The following PTP4A2 variants were observed in gnomAD, a reference collection of about 807,000 sequenced individuals.
PTP4A2 encodes the protein protein tyrosine phosphatase 4A2.
In PTP4A2, 2 loss-of-function variants were observed where a neutral mutation model predicts 22.9. That is an observed-to-expected ratio of 0.09 (90% confidence interval 0.04 to 0.27). PTP4A2 has a LOEUF of 0.27. Ranked by LOEUF, PTP4A2 falls within the 10% of genes least tolerant of loss-of-function variation. The pLI, the probability that PTP4A2 is intolerant of heterozygous loss-of-function variation, is 1.00. For missense variants in PTP4A2, 103 were observed against 205.1 expected, an observed-to-expected ratio of 0.50 and a Z score of 3.04; for synonymous variants, 68 against 69.1, an observed-to-expected ratio of 0.98 and a Z score of 0.08.
chr1:31,909,049 T>C lies in PTP4A2; in HGVS notation c.396-89A>G, dbSNP rs907119359. 6.4e-6 allele frequency: 6 copies of C among 930,994 alleles called. No homozygotes were observed. The Admixed American group carries it at 8.0e-5, about 12-fold the overall frequency. 57.7% of individuals were successfully genotyped at this position (930,994 alleles called of 1,614,324 possible). ...CATTATTTACATCCTAAAGCCTTTC[T>C]AATTCCACACAGCTGAAAACCAGCA... On this transcript the variant is annotated intron_variant, in intron 5 of 5. Coordinates refer to ENST00000647444, the MANE Select transcript of PTP4A2 (RefSeq NM_080391.4).
At chr1:31,930,263 C>T (rs1368550917) in intron 1 of PTP4A2, among the ~76,000 whole-genome samples, 6 of 151,618 alleles carry the variant, frequency 4.0e-5, no homozygotes, top group Non-Finnish European at 7.4e-5. Flanking sequence ...GCGTGAACCC[C>T]GGGGGGGCGG....
rs1461078605 is a variant in PTP4A2, at chr1:31,906,736, GCACACACACACACACACATACACACACA to G, written c.*2088_*2115del. The G allele has an allele frequency of 6.1e-5, 8 of 131,570 alleles. No individual in the cohort carries two copies. The highest frequency in any genetic ancestry group is 1.1e-4 in the Non-Finnish European group (7 of 63,494). The allele number at this position is 131,570 out of a possible 1,614,324, so 8.2% of individuals were successfully genotyped here. ...ACTGATACTGATGGACACTGCGCGT[GCACACACACACACACACATACACACACA>G]CACACACACACACACACACACACCC... On this transcript the variant is annotated 3_prime_UTR_variant, in exon 6 of 6. Transcript: ENST00000647444.
chr1:31,908,809 C>G lies in PTP4A2; in HGVS notation c.*43G>C, dbSNP rs1651375487. 1 of 1,425,650 alleles carries G rather than the reference C, an allele frequency of 7.0e-7. No homozygotes were observed. Among genetic ancestry groups the G allele is most frequent in the Non-Finnish European group, 9.9e-7 (1 of 1,013,724 alleles). 88.3% of individuals were successfully genotyped at this position (1,425,650 alleles called of 1,614,324 possible). ...CACATTTCCAGGTACCAAGAGTTCC[C>G]TCTAAATGGCACAATCAAGTCAGCC... On this transcript the variant is annotated 3_prime_UTR_variant, in exon 6 of 6. Coordinates refer to ENST00000647444, the MANE Select transcript of PTP4A2 (RefSeq NM_080391.4).
chr1:31,913,074 T>C (rs1651627614), intron 3 of PTP4A2: 2 of 430,472 alleles, frequency 4.6e-6, no homozygotes, highest in African/African-American at 4.1e-5. Flanking sequence ...ATAAGTAGTG[T>C]CTATTTTTAA....
At chr1:31,929,272 T>C (rs1652619189) in intron 1 of PTP4A2, among the ~76,000 whole-genome samples, 1 of 152,238 alleles carries the variant, frequency 6.6e-6, no homozygotes, top group African/African-American at 2.4e-5. Context: ...GCCGACTTTC[T>C]CTTTAAAAAG....
intron 1 of PTP4A2, among the ~76,000 whole-genome samples, chr1:31,925,927 C>CG (rs1652432056): frequency 6.6e-6 from 1 of 151,614 alleles, no homozygotes; most frequent in South Asian, 2.1e-4. Flanking sequence ...GAGTGGATCA[C>CG]GAAGTCAGGA....
At chr1:31,934,236 C>A (rs1249046557) in intron 1 of PTP4A2, among the ~76,000 whole-genome samples, 1 of 151,962 alleles carries the variant, frequency 6.6e-6, no homozygotes, top group Non-Finnish European at 1.5e-5. Context: ...CCAGCCTGGG[C>A]AACAAGGGCA....
chr1:31,935,158 A>G (rs1652880282), intron 1 of PTP4A2, among the ~76,000 whole-genome samples: 1 of 152,220 alleles, frequency 6.6e-6, no homozygotes, highest in African/African-American at 2.4e-5. Flanking sequence ...CTTGGCCCCA[A>G]TAAATATACT....
chr1:31,936,757 C>G (rs573240027), intron 1 of PTP4A2, among the ~76,000 whole-genome samples: 1 of 152,270 alleles, frequency 6.6e-6, no homozygotes, highest in East Asian at 1.9e-4. Context: ...TTCTGAAGCC[C>G]TGATAATGTG....
intron 1 of PTP4A2, among the ~76,000 whole-genome samples, chr1:31,929,778 A>AT: frequency 6.6e-6 from 1 of 152,346 alleles, no homozygotes; most frequent in Admixed American, 6.5e-5. Flanking sequence ...TTAATAAATA[A>AT]TTTAAGATTC....
rs867583543 is a variant in PTP4A2 at position 31,908,142 on chromosome 1, A to T, written c.*710T>A. 0.094 allele frequency: 53 copies of T among 566 alleles called. 2 individuals are homozygous for T. The highest frequency in any genetic ancestry group is 0.22 in the African/African-American group (53 of 246). The allele number at this position is 566 out of a possible 1,614,324, so 0.0% of individuals were successfully genotyped here. The stretch of plus-strand genomic sequence containing the variant: ...TATATATATATATATATATTATATT[A>T]TATATATATATATATATATATATAT... On this transcript the variant is annotated 3_prime_UTR_variant, in exon 6 of 6. Transcript: ENST00000647444.
chr1:31,930,724 T>C (rs1435089386), intron 1 of PTP4A2, among the ~76,000 whole-genome samples: 1 of 152,192 alleles, frequency 6.6e-6, no homozygotes, highest in Non-Finnish European at 1.5e-5. Flanking sequence ...AGAATCCAAA[T>C]CATTCTATTT....
chr1:31,917,582 T>A (rs1651912595), intron 2 of PTP4A2, among the ~76,000 whole-genome samples: 1 of 152,158 alleles, frequency 6.6e-6, no homozygotes, highest in South Asian at 2.1e-4. Context: ...TTCCCATCTA[T>A]AAAATGAAAA....
At chr1:31,922,586 GTTTCTTTCTTTC>G (rs200368265) in intron 1 of PTP4A2, among the ~76,000 whole-genome samples, 12,464 of 146,056 alleles carry the variant, frequency 0.085, 585 homozygotes, top group African/African-American at 0.093. Context: ...ACCCAGGTTT[GTTTCTTTCTTTC>G]TTTCTTTCTT....
intron 1 of PTP4A2, among the ~76,000 whole-genome samples, chr1:31,928,076 C>T (rs1374317836): frequency 1.3e-5 from 2 of 151,260 alleles, no homozygotes; most frequent in Non-Finnish European, 1.5e-5. Context: ...CTATCCTCTG[C>T]ACTACCTACC....
intron 1 of PTP4A2, among the ~76,000 whole-genome samples, chr1:31,924,802 C>G (rs1652370809): frequency 6.6e-6 from 1 of 152,016 alleles, no homozygotes. Context: ...GGCAACATTT[C>G]CATTTTTAAC....
Position 31,907,934 on chromosome 1 carries a change from A to C in PTP4A2, c.*918T>G, listed in dbSNP as rs1435120157. 6.6e-6 allele frequency: 1 copy of C among 151,074 alleles called. No individual in the cohort carries two copies. Among genetic ancestry groups the C allele is most frequent in the Non-Finnish European group, 1.5e-5 (1 of 67,854 alleles). 9.4% of individuals were successfully genotyped at this position (151,074 alleles called of 1,614,324 possible). A position where few individuals can be genotyped will look rare whatever the true frequency, so the allele number is the denominator to read the frequency against. On this transcript the variant is annotated 3_prime_UTR_variant, in exon 6 of 6. Transcript: ENST00000647444. ...TTAGCTTCATTGGTTAGGGAAGAGAAGAATTCGACTCTCAGGTAAGTTGAG... is the reference window on the plus strand; with the variant it reads ...TTAGCTTCATTGGTTAGGGAAGAGACGAATTCGACTCTCAGGTAAGTTGAG...
At position 31,908,172 on chromosome 1, in the gene PTP4A2, A is replaced by T. The variant is rs1651322661; in HGVS notation, c.*680T>A. ...TATATATATATATATATATATATATATATATATATATATATATATATATAT... is the reference window on the plus strand; with the variant it reads ...TATATATATATATATATATATATATTTATATATATATATATATATATATAT... On this transcript the variant is annotated 3_prime_UTR_variant, in exon 6 of 6. Transcript: ENST00000647444. 2.0e-4 allele frequency: 2 copies of T among 10,130 alleles called. No homozygotes were observed. The highest frequency in any genetic ancestry group is 1.1e-3 in the African/African-American group (2 of 1,818). The allele number at this position is 10,130 out of a possible 1,614,324, so 0.6% of individuals were successfully genotyped here.
intron 5 of PTP4A2, 87 bp downstream of exon 5, chr1:31,909,951 T>C: frequency 8.3e-7 from 1 of 1,210,416 alleles, no homozygotes; most frequent in African/African-American, 1.5e-5. Context: ...AATTATCCCA[T>C]ACTATAAATG....
Sources: gnomAD v4.1 joint callset for allele counts (sites outside exome capture counted in the v4.1 genomes callset) on GRCh38, gnomAD v4.1.1 for gene constraint, MANE v1.5 for transcripts, NCBI Gene and HGNC (gene_info 2026-07-23, HGNC 2026-07-21) for gene names.